KCTD16: variants seen among roughly 807,000 people sequenced by gnomAD.
The protein encoded by KCTD16 is BTB/POZ domain-containing protein KCTD16.
A neutral mutation model predicts 33.2 loss-of-function variants in KCTD16; 13 were observed. The observed-to-expected ratio is 0.39, with a 90% CI of 0.25 to 0.62. The LOEUF is 0.62. Ranked by LOEUF, KCTD16 falls within the 20% of genes least tolerant of loss-of-function variation. KCTD16 has a pLI of 0.50. For synonymous variants in KCTD16, 197 were observed against 195.3 expected, an observed-to-expected ratio of 1.01 and a Z score of -0.07; for missense variants, 441 against 525.1, an observed-to-expected ratio of 0.84 and a Z score of 1.57.
intron 3 of KCTD16, among the ~76,000 whole-genome samples, chr5:144,314,496 C>T (rs911308575): frequency 9.2e-5 from 14 of 152,082 alleles, no homozygotes; most frequent in African/African-American, 2.7e-4. Context: ...GGTCAGGTAG[C>T]CCAGTAATAA....
At chr5:144,186,230 A>C (rs1752721737) in intron 2 of KCTD16, among the ~76,000 whole-genome samples, 1 of 152,184 alleles carries the variant, frequency 6.6e-6, no homozygotes, top group Non-Finnish European at 1.5e-5. Flanking sequence ...AGAGACTCTC[A>C]TATGGCCAAC....
intron 3 of KCTD16, among the ~76,000 whole-genome samples, chr5:144,343,153 A>G (rs1163544944): frequency 6.6e-6 from 1 of 152,130 alleles, no homozygotes; most frequent in Admixed American, 6.5e-5. Context: ...AGAAGGAATG[A>G]TACCAGTTCC....
At chr5:144,409,088 G>A (rs559546997) in intron 3 of KCTD16, among the ~76,000 whole-genome samples, 182 of 152,238 alleles carry the variant, frequency 1.2e-3, no homozygotes, top group African/African-American at 4.0e-3. Flanking sequence ...TCTAGCACAT[G>A]TAAATGTTTA....
chr5:144,272,025 G>A (rs747650397), intron 3 of KCTD16, among the ~76,000 whole-genome samples: 1 of 151,988 alleles, frequency 6.6e-6, no homozygotes, highest in Non-Finnish European at 1.5e-5. Context: ...TAAAATAAAT[G>A]GGAGCACATT....
intron 3 of KCTD16, among the ~76,000 whole-genome samples, chr5:144,431,649 G>T (rs1753465257): frequency 6.6e-6 from 1 of 152,122 alleles, no homozygotes; most frequent in Non-Finnish European, 1.5e-5. Context: ...CATTATTAAA[G>T]CCCTCTTCTA....
At chr5:144,454,787 A>G (rs1754024191) in intron 3 of KCTD16, among the ~76,000 whole-genome samples, 1 of 152,058 alleles carries the variant, frequency 6.6e-6, no homozygotes, top group Non-Finnish European at 1.5e-5. Context: ...TATGATGACT[A>G]TTTTGGAGAA....
At chr5:144,221,583 C>A (rs1364963366) in intron 3 of KCTD16, among the ~76,000 whole-genome samples, 1 of 152,164 alleles carries the variant, frequency 6.6e-6, no homozygotes, top group Admixed American at 6.5e-5. Flanking sequence ...CGTGTCCCTG[C>A]AAAGGACATG....
chr5:144,342,528 G>C (rs550527021), intron 3 of KCTD16, among the ~76,000 whole-genome samples: 70 of 152,214 alleles, frequency 4.6e-4, no homozygotes, highest in African/African-American at 1.7e-3. Context: ...CTGCACACAG[G>C]GACAATTTGA....
chr5:144,345,959 T>TTTC (rs1241623387), intron 3 of KCTD16, among the ~76,000 whole-genome samples: 1 of 151,920 alleles, frequency 6.6e-6, no homozygotes, highest in Non-Finnish European at 1.5e-5. Flanking sequence ...ATTCTATTTT[T>TTTC]TTTTTTTTTG....
chr5:144,273,014 A>T (rs1755343166), intron 3 of KCTD16, among the ~76,000 whole-genome samples: 3 of 152,176 alleles, frequency 2.0e-5, no homozygotes, highest in Admixed American at 1.3e-4. Context: ...ATAAGAAGAC[A>T]ATATCAACAA....
intron 3 of KCTD16, among the ~76,000 whole-genome samples, chr5:144,271,811 C>T (rs895819727): frequency 1.4e-5 from 2 of 141,856 alleles, no homozygotes; most frequent in South Asian, 2.2e-4. Flanking sequence ...AATAAATGAA[C>T]TTAGACAGCA....
Position 144,206,481 on chromosome 5 carries a change from A to G in KCTD16, c.-234A>G. ...ACGAGTTGATTATATTTTATGAAGT[A>G]GCAGCTCACTACCATCCACCATCCA... On this transcript the variant is annotated 5_prime_UTR_variant, in exon 3 of 4. The change abolishes the stop of an existing upstream ORF in the 5' untranslated region. Coordinates refer to ENST00000512467, the MANE Select transcript of KCTD16 (RefSeq NM_020768.4). 1 of 446,186 alleles carries G rather than the reference A, an allele frequency of 2.2e-6. No homozygotes were observed. The highest frequency in any genetic ancestry group is 6.5e-5 in the South Asian group (1 of 15,440). 27.6% of individuals were successfully genotyped at this position (446,186 alleles called of 1,614,324 possible).
chr5:144,263,390 A>G (rs1755062994), intron 3 of KCTD16, among the ~76,000 whole-genome samples: 1 of 152,196 alleles, frequency 6.6e-6, no homozygotes, highest in Admixed American at 6.5e-5. Context: ...GTGTGGTGCT[A>G]AATTACCTTT....
chr5:144,300,904 G>A (rs1751416244), intron 3 of KCTD16, among the ~76,000 whole-genome samples: 1 of 152,124 alleles, frequency 6.6e-6, no homozygotes, highest in South Asian at 2.1e-4. Flanking sequence ...TTGGACTACA[G>A]GATGAAAAGG....
At chr5:144,282,258 C>T (rs891631210) in intron 3 of KCTD16, among the ~76,000 whole-genome samples, 1 of 152,128 alleles carries the variant, frequency 6.6e-6, no homozygotes, top group Non-Finnish European at 1.5e-5. Context: ...CCCAAAAGGA[C>T]TGTTTGGAGG....
intron 3 of KCTD16, among the ~76,000 whole-genome samples, chr5:144,249,872 C>CA (rs1390056692): frequency 5.9e-5 from 9 of 152,220 alleles, no homozygotes; most frequent in African/African-American, 2.2e-4. Context: ...AAATAACATG[C>CA]TAGGTCTCTA....
chr5:144,291,318 C>G (rs1291106955), intron 3 of KCTD16, among the ~76,000 whole-genome samples: 3 of 152,190 alleles, frequency 2.0e-5, no homozygotes, highest in Non-Finnish European at 4.4e-5. Context: ...TACCTCCATA[C>G]TGGTATACAC....
At chr5:144,215,299 G>A (rs7714648) in intron 3 of KCTD16, among the ~76,000 whole-genome samples, 2,412 of 152,248 alleles carry the variant, frequency 0.016, 64 homozygotes, top group African/African-American at 0.055. Flanking sequence ...GGTTTAAGGA[G>A]CAACCCAGGA....
At chr5:144,227,675 G>A (rs1753975768) in intron 3 of KCTD16, among the ~76,000 whole-genome samples, 1 of 152,214 alleles carries the variant, frequency 6.6e-6, no homozygotes, top group Non-Finnish European at 1.5e-5. Flanking sequence ...TGAAACCAAG[G>A]GAAGAAGTGT....
Sources: allele counts gnomAD v4.1 joint callset (sites outside exome capture counted in the v4.1 genomes callset), GRCh38; gene constraint gnomAD v4.1.1; transcripts MANE v1.5; gene names NCBI Gene and HGNC (gene_info 2026-07-23, HGNC 2026-07-21).